Variants in CNTLN observed in about 807,000 individuals in gnomAD.
The protein encoded by CNTLN is centlein, centrosomal protein.
In CNTLN, 212 loss-of-function variants were observed where a neutral mutation model predicts 180.0. The observed-to-expected ratio is 1.18, with a 90% CI of 1.05 to 1.32. CNTLN has a LOEUF of 1.32. Among genes scored for constraint, CNTLN ranks in the 40% most tolerant of loss-of-function variants. The pLI is 0.00. For synonymous variants in CNTLN, 722 were observed against 563.1 expected (o/e 1.28, Z -3.99); for missense variants, 2,095 against 1,610.9 (o/e 1.30, Z -5.14).
At chr9:17,519,512 C>T in the CNTLN span, among the ~76,000 whole-genome samples, 1 of 152,180 alleles carries the variant, frequency 6.6e-6, no homozygotes, top group Non-Finnish European at 1.5e-5. Flanking sequence ...AGGTTCACTG[C>T]TCTAGAACTC....
intron 2 of CNTLN, among the ~76,000 whole-genome samples, chr9:17,212,288 C>T (rs995797011): frequency 1.3e-5 from 2 of 152,088 alleles, no homozygotes; most frequent in African/African-American, 4.8e-5. Context: ...TTGTCAAAGG[C>T]CTTTTCTGCA....
chr9:17,254,707 T>C (rs1826365208), intron 5 of CNTLN, among the ~76,000 whole-genome samples: 1 of 148,506 alleles, frequency 6.7e-6, no homozygotes. Flanking sequence ...GTAATACATT[T>C]TGAAATGAAG....
At chr9:17,257,097 G>A (rs978372359) in intron 5 of CNTLN, among the ~76,000 whole-genome samples, 8 of 151,984 alleles carry the variant, frequency 5.3e-5, no homozygotes, top group African/African-American at 1.9e-4. Flanking sequence ...TCTAGCATTA[G>A]GTATATCTCC....
chr9:17,351,671 A>G (rs1352323526), intron 12 of CNTLN, among the ~76,000 whole-genome samples: 2 of 151,628 alleles, frequency 1.3e-5, no homozygotes, highest in African/African-American at 4.9e-5. Flanking sequence ...TATTCATACC[A>G]CCACCATTTC....
At chr9:17,273,106 T>A (rs186547933) in intron 5 of CNTLN, among the ~76,000 whole-genome samples, 2 of 152,206 alleles carry the variant, frequency 1.3e-5, no homozygotes, top group African/African-American at 4.8e-5. Flanking sequence ...TATATTTAGT[T>A]CTTTGCAAAA....
In CNTLN at chr9:17,466,041, A is replaced by G. The variant is rs746225858; in HGVS notation, c.3592A>G (p.Arg1198Gly). The G allele has an allele frequency of 5.6e-6, 9 of 1,604,190 alleles. No homozygotes were observed. The South Asian group carries it at 7.7e-5, about 14-fold the overall frequency. ...GGTATCAATTGATTCACTAAAGCAA[A>G]GACTTAACGTTGCTGTAAAAGAAAA... ...KKVSIDSLKQ[R>G]LNVAVKEKSQ... Residue 1198 changes from arginine to glycine, a missense_variant, in exon 22 of 26, where the codon AGA becomes GGA. Coordinates refer to ENST00000380647, the MANE Select transcript of CNTLN (RefSeq NM_017738.4).
intron 13 of CNTLN, among the ~76,000 whole-genome samples, 173 bp from the exon 14 acceptor site, chr9:17,387,989 T>C (rs114078111): frequency 0.013 from 1,975 of 150,482 alleles, 39 homozygotes; most frequent in African/African-American, 0.046. Flanking sequence ...TACATAATTA[T>C]GTTGCTAAAA....
chr9:17,201,818 T>C, intron 2 of CNTLN, among the ~76,000 whole-genome samples: 1 of 152,156 alleles, frequency 6.6e-6, no homozygotes, highest in South Asian at 2.1e-4. Flanking sequence ...TAAGGGTTTT[T>C]CAGGTCTCTG....
chr9:17,491,669 C>G (rs1833170077), intron 25 of CNTLN, among the ~76,000 whole-genome samples: 1 of 152,040 alleles, frequency 6.6e-6, no homozygotes, highest in South Asian at 2.1e-4. Context: ...AAAATTCTGT[C>G]TGTTTGCCTT....
intron 5 of CNTLN, among the ~76,000 whole-genome samples, chr9:17,268,776 C>T (rs1381236533): frequency 6.6e-6 from 1 of 151,936 alleles, no homozygotes; most frequent in African/African-American, 2.4e-5. Context: ...TGCCACCTTG[C>T]AGTTTGGTCT....
intron 23 of CNTLN, among the ~76,000 whole-genome samples, chr9:17,475,756 C>A (rs1487008510): frequency 2.0e-5 from 3 of 151,652 alleles, no homozygotes; most frequent in Non-Finnish European, 4.4e-5. Flanking sequence ...ACCTGTAGTC[C>A]CAGCTACTTG....
intron 2 of CNTLN, among the ~76,000 whole-genome samples, chr9:17,204,336 G>A (rs1019684832): frequency 1.3e-4 from 20 of 151,778 alleles, no homozygotes; most frequent in African/African-American, 4.8e-4. Flanking sequence ...CTTTGGATGG[G>A]TTTTTTTTGT....
At chr9:17,166,147 G>C (rs915134552) in intron 2 of CNTLN, among the ~76,000 whole-genome samples, 3 of 152,098 alleles carry the variant, frequency 2.0e-5, no homozygotes, top group Non-Finnish European at 4.4e-5. Context: ...AAACTCCTAT[G>C]ATTAATATTG....
intron 2 of CNTLN, among the ~76,000 whole-genome samples, chr9:17,182,274 TC>T: frequency 6.6e-6 from 1 of 152,256 alleles, no homozygotes; most frequent in South Asian, 2.1e-4. Context: ...GAGCAGACTT[TC>T]GTTGAGGCTT....
chr9:17,413,075 G>A (rs1190918848), intron 16 of CNTLN, among the ~76,000 whole-genome samples: 10 of 152,060 alleles, frequency 6.6e-5, no homozygotes, highest in South Asian at 4.1e-4. Flanking sequence ...CCGTACACCC[G>A]CCATTATTAT....
At chr9:17,274,483 A>G (rs1005625461) in intron 6 of CNTLN, among the ~76,000 whole-genome samples, 1 of 146,154 alleles carries the variant, frequency 6.8e-6, no homozygotes, top group African/African-American at 2.5e-5. Flanking sequence ...CTATCTATCT[A>G]TCTATCTATC....
intron 16 of CNTLN, 140 bp from the exon 17 acceptor site, chr9:17,415,648 C>T: frequency 1.6e-6 from 1 of 630,604 alleles, no homozygotes. Flanking sequence ...AAGCAGTCCT[C>T]CTGCCTTGGT....
intron 12 of CNTLN, among the ~76,000 whole-genome samples, chr9:17,353,136 TG>T (rs1822516900): frequency 6.6e-6 from 1 of 152,156 alleles, no homozygotes; most frequent in Non-Finnish European, 1.5e-5. Context: ...TTCTATTTTT[TG>T]TAGGGTCGGG....
At chr9:17,290,408 T>G (rs1411264353) in intron 6 of CNTLN, among the ~76,000 whole-genome samples, 1 of 149,124 alleles carries the variant, frequency 6.7e-6, no homozygotes, top group Non-Finnish European at 1.5e-5. Context: ...ACTGCTCTCT[T>G]CAAAGCTGTC....
Sources: gnomAD v4.1 joint callset for allele counts (sites outside exome capture counted in the v4.1 genomes callset) on GRCh38, gnomAD v4.1.1 for gene constraint, MANE v1.5 for transcripts, NCBI Gene and HGNC (gene_info 2026-07-23, HGNC 2026-07-21) for gene names.